SLC25A27: variants seen among roughly 807,000 people sequenced by gnomAD.
SLC25A27 encodes the protein solute carrier family 25 member 27.
SLC25A27 carries 35 observed loss-of-function variants against 49.1 expected under a neutral mutation model. That is an observed-to-expected ratio of 0.71 (90% confidence interval 0.54 to 0.95). SLC25A27 has a LOEUF of 0.95. Ranked by LOEUF, SLC25A27 falls within the 40% of genes least tolerant of loss-of-function variation. The pLI, the probability that SLC25A27 is intolerant of heterozygous loss-of-function variation, is 0.00. For missense variants in SLC25A27, 339 were observed against 397.1 expected (o/e 0.85, Z 1.24); for synonymous variants, 144 against 136.9 (o/e 1.05, Z -0.36).
In SLC25A27 at chr6:46,671,874, A is replaced by G. The variant is rs112941721; in HGVS notation, c.900+646A>G. On this transcript the variant is annotated intron_variant, in intron 8 of 8. Coordinates refer to ENST00000371347, the MANE Select transcript of SLC25A27 (RefSeq NM_004277.5). ...AAAACAAAGTGCTGACGTTTTTTGTAAGTTAAAACATTTGAAAGAATAGGT... is the reference window on the plus strand; with the variant it reads ...AAAACAAAGTGCTGACGTTTTTTGTGAGTTAAAACATTTGAAAGAATAGGT... Among the ~76,000 whole-genome samples, 596 of 152,000 alleles carry G rather than the reference A, an allele frequency of 3.9e-3. 3 individuals carry two copies. The highest frequency in any genetic ancestry group is 0.014 in the African/African-American group (562 of 41,548).
intron 3 of SLC25A27, among the ~76,000 whole-genome samples, chr6:46,660,531 G>A (rs1256320271): frequency 6.6e-6 from 1 of 152,054 alleles, no homozygotes; most frequent in Non-Finnish European, 1.5e-5. Flanking sequence ...CAGACACAAA[G>A]ATATTGACTG....
chr6:46,653,095 C>T lies in SLC25A27; in HGVS notation c.-98C>T, dbSNP rs2150625298. ...AAATGGTCCTCACCCGGCCACTCGC[C>T]GGTTGAAAAGGGGCCGCCCTGGCAG... is the stretch of plus-strand genomic sequence containing the variant. On this transcript the variant is annotated 5_prime_UTR_variant, in exon 1 of 9. Coordinates refer to ENST00000371347, the MANE Select transcript of SLC25A27 (RefSeq NM_004277.5). 2 of 1,170,368 alleles carry T rather than the reference C, an allele frequency of 1.7e-6. No homozygotes were observed. Among genetic ancestry groups the T allele is most frequent in the East Asian group, 5.0e-5 (2 of 40,216 alleles). The allele number at this position is 1,170,368 out of a possible 1,614,324, so 72.5% of individuals were successfully genotyped here.
At chr6:46,671,527 A>G (rs1320226205) in intron 8 of SLC25A27, among the ~76,000 whole-genome samples, 3 of 152,048 alleles carry the variant, frequency 2.0e-5, no homozygotes, top group African/African-American at 7.2e-5. Flanking sequence ...TCATTTAGTC[A>G]TATTTTAATA....
intron 1 of SLC25A27, among the ~76,000 whole-genome samples, chr6:46,654,872 T>G (rs1165359896): frequency 6.6e-6 from 1 of 152,196 alleles, no homozygotes; most frequent in East Asian, 1.9e-4. Context: ...TTGGAAAAGG[T>G]ATACTAAGGT....
Position 46,664,901 on chromosome 6 carries a change from G to A in SLC25A27, c.619+15G>A. 3 of 1,427,328 alleles carry A rather than the reference G, an allele frequency of 2.1e-6. No homozygotes were observed. The highest frequency in any genetic ancestry group is 2.1e-5 in the Admixed American group (1 of 48,114). The allele number at this position is 1,427,328 out of a possible 1,614,324, so 88.4% of individuals were successfully genotyped here. On this transcript the variant is annotated intron_variant, in intron 5 of 8. Coordinates refer to ENST00000371347, the MANE Select transcript of SLC25A27 (RefSeq NM_004277.5). ...GAATATGGGAGGTAATGAAAACTTTGTTAAATTCTAAAAAGTCCTAATTGC... is the reference window on the plus strand; with the variant it reads ...GAATATGGGAGGTAATGAAAACTTTATTAAATTCTAAAAAGTCCTAATTGC...
Position 46,658,725 on chromosome 6 carries a change from GGAGAATTCATTC to G in SLC25A27, c.299-236_299-225del, listed in dbSNP as rs1763068532. The G allele has an allele frequency of 9.5e-6, 5 of 526,176 alleles. No individual in the cohort carries two copies. In the East Asian group the frequency reaches 1.7e-4, roughly 18 times the overall value. 32.6% of individuals were successfully genotyped at this position (526,176 alleles called of 1,614,324 possible). On this transcript the variant is annotated intron_variant, in intron 2 of 8. Transcript: ENST00000371347. The stretch of plus-strand genomic sequence containing the variant: ...AGGAGATGTTAGTAAAGCAGAGAAG[GGAGAATTCATTC>G]TAGAAAGATCAGACAGTGTGTGGGA...
chr6:46,668,639 C>A, intron 5 of SLC25A27, 70 bp from the exon 6 acceptor site: 1 of 887,580 alleles, frequency 1.1e-6, no homozygotes, highest in Non-Finnish European at 1.9e-6. Flanking sequence ...CTGCCCCAAG[C>A]CTAGCATATT....
chr6:46,670,128 T>A lies in SLC25A27; in HGVS notation c.705-7T>A. The stretch of plus-strand genomic sequence containing the variant: ...CATCTTTCAATTTCATTTATTTGTA[T>A]TTATAGTTTATGTTCTGGACTGGTA... On this transcript the variant is annotated splice_polypyrimidine_tract_variant and splice_region_variant and intron_variant, in intron 6 of 8. Transcript: ENST00000371347. 6.3e-7 allele frequency: 1 copy of A among 1,589,950 alleles called. No homozygotes were observed. Among genetic ancestry groups the A allele is most frequent in the South Asian group, 1.1e-5 (1 of 88,774 alleles).
intron 4 of SLC25A27, among the ~76,000 whole-genome samples, chr6:46,663,887 A>C (rs2150642798): frequency 6.6e-6 from 1 of 152,314 alleles, no homozygotes; most frequent in South Asian, 2.1e-4. Context: ...GAATCATATT[A>C]TATACCTCAC....
At position 46,670,163 on chromosome 6, in the gene SLC25A27, C is replaced by T; in HGVS notation, c.733C>T (p.Leu245=). The change falls in exon 7 of 9, where the codon CTG becomes TTG. Residue 245 remains leucine (L), a synonymous_variant. Transcript: ENST00000371347. ...SLCSGLVASI[L]GTPADVIKSR... ...ATGTTCTGGACTGGTAGCTTCTATT[C>T]TGGGAACACCAGCCGATGTCATCAA... is the stretch of plus-strand genomic sequence containing the variant. The T allele has an allele frequency of 6.2e-7, 1 of 1,612,124 alleles. No individual in the cohort carries two copies. Among genetic ancestry groups the T allele is most frequent in the Non-Finnish European group, 8.5e-7 (1 of 1,179,072 alleles).
At chr6:46,675,159 C>G (rs1763720939) in intron 8 of SLC25A27, among the ~76,000 whole-genome samples, 2 of 152,128 alleles carry the variant, frequency 1.3e-5, no homozygotes, top group African/African-American at 4.8e-5. Context: ...TATCCTGATC[C>G]CTTCTACTGG....
intron 4 of SLC25A27, among the ~76,000 whole-genome samples, chr6:46,662,907 G>GT (rs1763206647): frequency 6.6e-6 from 1 of 152,110 alleles, no homozygotes; most frequent in South Asian, 2.1e-4. Context: ...CTGTCATGAT[G>GT]GTTAACATGC....
At chr6:46,659,750 G>A (rs1763103020) in intron 3 of SLC25A27, among the ~76,000 whole-genome samples, 1 of 151,914 alleles carries the variant, frequency 6.6e-6, no homozygotes, top group Non-Finnish European at 1.5e-5. Flanking sequence ...AGCTACACAG[G>A]AGGCTGAGGC....
Position 46,656,033 on chromosome 6 carries a change from A to G in SLC25A27, c.297A>G (p.Val99=). 6.2e-7 allele frequency: 1 copy of G among 1,605,758 alleles called. No individual in the cohort carries two copies. The highest frequency in any genetic ancestry group is 8.5e-7 in the Non-Finnish European group (1 of 1,176,802). ...QGVTPAIYRH[V]VYSGGRMVTY... ...TGACACCCGCCATTTACAGACACGT[A>G]GGTATTTATCTTGATTCTAGCTGGT... is the stretch of plus-strand genomic sequence containing the variant. The change falls in exon 2 of 9, where the codon GTA becomes GTG. Residue 99 remains valine, a splice_region_variant and synonymous_variant. Transcript: ENST00000371347.
intron 5 of SLC25A27, among the ~76,000 whole-genome samples, chr6:46,668,366 A>G (rs1176938707): frequency 6.6e-6 from 1 of 152,216 alleles, no homozygotes; most frequent in Non-Finnish European, 1.5e-5. Context: ...GTAGAATAAT[A>G]GTCAGGACCT....
At chr6:46,669,040 AAC>A in intron 6 of SLC25A27, among the ~76,000 whole-genome samples, 1 of 152,320 alleles carries the variant, frequency 6.6e-6, no homozygotes, top group East Asian at 1.9e-4. Context: ...CCATCCCAGG[AAC>A]AGGCTATGAT....
In SLC25A27 at chr6:46,662,419, T is replaced by A. The variant is rs370462167; in HGVS notation, c.427T>A (p.Phe143Ile). The change falls in exon 4 of 9, where the codon TTT becomes ATT. Residue 143 changes from phenylalanine to isoleucine, a missense_variant. Coordinates refer to ENST00000371347, the MANE Select transcript of SLC25A27 (RefSeq NM_004277.5). Reference protein sequence around the residue: ...GGMMAGVIGQFLANPTDLVKV... With the variant: ...GGMMAGVIGQILANPTDLVKV... ...GATGATGGCTGGTGTTATTGGCCAG[T>A]TTTTAGCCAATCCAACTGACCTAGT... 4.3e-6 allele frequency: 7 copies of A among 1,613,538 alleles called. No individual in the cohort carries two copies. The highest frequency in any genetic ancestry group is 5.9e-6 in the Non-Finnish European group (7 of 1,179,492).
chr6:46,667,491 T>G (rs1488906887), intron 5 of SLC25A27, among the ~76,000 whole-genome samples: 1 of 152,226 alleles, frequency 6.6e-6, no homozygotes, highest in African/African-American at 2.4e-5. Flanking sequence ...CTTCTGCTCT[T>G]CATCATCTAG....
intron 5 of SLC25A27, among the ~76,000 whole-genome samples, chr6:46,666,412 T>C (rs370714446): frequency 2.0e-4 from 31 of 152,354 alleles, no homozygotes; most frequent in African/African-American, 5.3e-4. Context: ...GAAATAATCC[T>C]TTCTAAGACT....
Sources: allele counts gnomAD v4.1 joint callset (sites outside exome capture counted in the v4.1 genomes callset), GRCh38; gene constraint gnomAD v4.1.1; transcripts MANE v1.5; gene names NCBI Gene and HGNC (gene_info 2026-07-23, HGNC 2026-07-21).